The following ANAPC1 variants were observed in gnomAD, a reference collection of about 807,000 sequenced individuals.
The protein encoded by ANAPC1 is anaphase-promoting complex subunit 1.
Under a neutral mutation model 208.0 loss-of-function variants are expected in ANAPC1, and 36 were observed. That is an observed-to-expected ratio of 0.17 (90% CI 0.13 to 0.23). The LOEUF (loss-of-function observed/expected upper bound fraction) is 0.23. ANAPC1 is among the 10% of genes least tolerant of loss of function. The pLI, the probability that ANAPC1 is intolerant of heterozygous loss-of-function variation, is 1.00. For synonymous variants in ANAPC1, 378 were observed against 695.2 expected (o/e 0.54, Z 7.18); for missense variants, 942 against 2,011.6 (o/e 0.47, Z 10.17).
intron 17 of ANAPC1, among the ~76,000 whole-genome samples, chr2:111,840,447 A>G (rs1349085064): frequency 6.6e-6 from 1 of 152,176 alleles, no homozygotes; most frequent in Non-Finnish European, 1.5e-5. Context: ...TCCTTCCTTT[A>G]TAATTATCAT....
intron 24 of ANAPC1, among the ~76,000 whole-genome samples, chr2:111,822,991 CTTTT>C (rs1192670055): frequency 1.6e-5 from 2 of 124,830 alleles, no homozygotes; most frequent in African/African-American, 3.0e-5. Context: ...AATAATAATT[CTTTT>C]TATTCTTTTT....
chr2:111,808,230 T>C (rs1356559222), intron 29 of ANAPC1, among the ~76,000 whole-genome samples: 1 of 152,100 alleles, frequency 6.6e-6, no homozygotes, highest in Non-Finnish European at 1.5e-5. Context: ...GATACAATTA[T>C]ACTAAAGAAT....
rs1677771004 is a variant in ANAPC1 at position 111,789,716 on chromosome 2, T to C, written c.4713-1396A>G. On this transcript the variant is annotated intron_variant, in intron 38 of 47. Transcript: ENST00000341068. Reference sequence around the variant, plus strand: ...TAGAAACATAATGGTGTAGCTATGCTAAGTTTAAATGTTGTTACAGAGTAT... The same window carrying C: ...TAGAAACATAATGGTGTAGCTATGCCAAGTTTAAATGTTGTTACAGAGTAT... 3.9e-5 allele frequency among the ~76,000 whole-genome samples: 6 copies of C among 152,070 alleles called. No individual in the cohort carries two copies. In the South Asian group the frequency reaches 1.2e-3, roughly 32 times the overall value.
intron 46 of ANAPC1, among the ~76,000 whole-genome samples, chr2:111,774,421 G>A (rs1466644632): frequency 2.1e-5 from 1 of 48,678 alleles, no homozygotes; most frequent in East Asian, 5.3e-4. Context: ...AAACATTTAG[G>A]TTTGGGGGAG....
chr2:111,850,876 G>A lies in ANAPC1; in HGVS notation c.1550C>T (p.Pro517Leu). 1 of 1,605,994 alleles carries A rather than the reference G, an allele frequency of 6.2e-7. No homozygotes were observed. Among genetic ancestry groups the A allele is most frequent in the Non-Finnish European group, 8.5e-7 (1 of 1,178,470 alleles). The change falls in exon 14 of 48, where the codon CCC (proline) becomes CTC (leucine). Residue 517 changes from proline (P) to leucine (L), a missense_variant. Transcript: ENST00000341068. Reference sequence around the variant, plus strand: ...CATTGTGTTGGACATCGTCAGAGAGGGAGCTGGCAGTCCAGGAATAAAAAC... The same window carrying A: ...CATTGTGTTGGACATCGTCAGAGAGAGAGCTGGCAGTCCAGGAATAAAAAC... ...GKVFIPGLPA[P>L]SLTMSNTMPR...
In ANAPC1 at chr2:111,855,962, G is replaced by A. The variant is rs955997472; in HGVS notation, c.1515+652C>T. On this transcript the variant is annotated intron_variant, in intron 13 of 47. Transcript: ENST00000341068. ...TAAAAAATACAGCTAGCGGCTGGGC[G>A]CGGTGGCTCACGCCTGTAATCCCAG... 5.3e-5 allele frequency among the ~76,000 whole-genome samples: 8 copies of A among 152,278 alleles called. No homozygotes were observed. In the Middle Eastern group the frequency reaches 0.014, roughly 261 times the overall value.
Position 111,843,614 on chromosome 2 carries a change from G to T in ANAPC1, c.1853-15C>A, listed in dbSNP as rs763956924. The stretch of plus-strand genomic sequence containing the variant: ...ACACGTTTGTACTATTAAAAGCAAA[G>T]ATTAATTTTAGTATTCTTACTCTGC... On this transcript the variant is annotated splice_polypyrimidine_tract_variant and intron_variant, in intron 16 of 47. Transcript: ENST00000341068. 1 of 1,593,520 alleles carries T rather than the reference G, an allele frequency of 6.3e-7. No homozygotes were observed. The highest frequency in any genetic ancestry group is 8.6e-7 in the Non-Finnish European group (1 of 1,169,016).
At chr2:111,838,122 A>G (rs115466941) in intron 18 of ANAPC1, among the ~76,000 whole-genome samples, 8,059 of 150,176 alleles carry the variant, frequency 0.054, 684 homozygotes, top group African/African-American at 0.18. Context: ...ACCTGATACA[A>G]TTGAGAACCT....
At chr2:111,882,312 T>C (rs1683345047) in intron 1 of ANAPC1, among the ~76,000 whole-genome samples, 1 of 152,304 alleles carries the variant, frequency 6.6e-6, no homozygotes, top group South Asian at 2.1e-4. Flanking sequence ...GCAATCCCCG[T>C]TGTTTCCGTG....
intron 14 of ANAPC1, among the ~76,000 whole-genome samples, chr2:111,849,517 A>C (rs1479998682): frequency 1.3e-5 from 2 of 152,172 alleles, no homozygotes; most frequent in African/African-American, 2.4e-5. Flanking sequence ...AACCGTCCCT[A>C]AACATCCACA....
At position 111,788,312 on chromosome 2, in the gene ANAPC1, A is replaced by G. The variant is rs751901403; in HGVS notation, c.4721T>C (p.Leu1574Ser). 1.9e-6 allele frequency: 3 copies of G among 1,613,816 alleles called. No individual in the cohort carries two copies. The highest frequency in any genetic ancestry group is 2.5e-6 in the Non-Finnish European group (3 of 1,179,718). ...GGCAATGGAAGAATTTGATGTGCTCAAAGAGTACCTGCAAAGTAAGTTCGG... is the reference window on the plus strand; with the variant it reads ...GGCAATGGAAGAATTTGATGTGCTCGAAGAGTACCTGCAAAGTAAGTTCGG... ...LLFLGGGRYS[L>S]STSNSSIAAL... Residue 1574 changes from leucine (L) to serine (S), a missense_variant, in exon 39 of 48, where the codon TTG becomes TCG. Coordinates refer to ENST00000341068, the MANE Select transcript of ANAPC1 (RefSeq NM_022662.4).
rs1310833985 is a variant in ANAPC1 at position 111,863,749 on chromosome 2, G to A, written c.978C>T (p.His326=). The A allele has an allele frequency of 2.5e-6, 4 of 1,613,984 alleles. No individual in the cohort carries two copies. Among genetic ancestry groups the A allele is most frequent in the Non-Finnish European group, 3.4e-6 (4 of 1,179,858 alleles). Residue 326 remains histidine, a synonymous_variant, in exon 9 of 48, where the codon CAC becomes CAT. Transcript: ENST00000341068. ...TSPFQNYSSI[H]SQSRSTSSPS... Reference sequence around the variant, plus strand: ...GTGATGAGGTTGAGCGACTCTGGCTGTGAATGGAGGAGTAATTCTGGAAAG... The same window carrying A: ...GTGATGAGGTTGAGCGACTCTGGCTATGAATGGAGGAGTAATTCTGGAAAG...
At chr2:111,868,708 T>C (rs187307479) in intron 6 of ANAPC1, among the ~76,000 whole-genome samples, 13 of 152,284 alleles carry the variant, frequency 8.5e-5, no homozygotes, top group African/African-American at 2.9e-4. Context: ...TTTTTTTGTA[T>C]TTTTAGTAGA....
chr2:111,817,751 T>G (rs1679314898), intron 27 of ANAPC1, among the ~76,000 whole-genome samples: 1 of 123,712 alleles, frequency 8.1e-6, no homozygotes, highest in Non-Finnish European at 1.8e-5. Flanking sequence ...AATTATACAT[T>G]ATATGCTACC....
At chr2:111,826,013 A>T (rs975265592) in intron 21 of ANAPC1, among the ~76,000 whole-genome samples, 158 bp from the exon 22 acceptor site, 5 of 152,150 alleles carry the variant, frequency 3.3e-5, no homozygotes, top group Admixed American at 6.5e-5. Flanking sequence ...AGTAGCTAGG[A>T]CTATAGGCAC....
In ANAPC1 at chr2:111,789,211, G is replaced by T. The variant is rs529038915; in HGVS notation, c.4713-891C>A. 4.6e-5 allele frequency among the ~76,000 whole-genome samples: 7 copies of T among 151,416 alleles called. No individual in the cohort carries two copies. In the South Asian group the frequency reaches 1.5e-3, roughly 31 times the overall value. On this transcript the variant is annotated intron_variant, in intron 38 of 47. Coordinates refer to ENST00000341068, the MANE Select transcript of ANAPC1 (RefSeq NM_022662.4). ...ATATAAATTCTTTCCTCACCAATAT[G>T]ATACACTTTTAAGATAAAGTTTCAT...
In ANAPC1 at chr2:111,790,969, T is replaced by C. The variant is rs569062064; in HGVS notation, c.4712+1393A>G. Among the ~76,000 whole-genome samples the C allele has an allele frequency of 3.1e-3, 474 of 152,352 alleles. 2 individuals carry two copies. Among genetic ancestry groups the C allele is most frequent in the Non-Finnish European group, 5.6e-3 (383 of 68,018 alleles). The stretch of plus-strand genomic sequence containing the variant: ...GCTATAGAATGTCAGTTTTGCAAGA[T>C]GAAAAATTTCTGGAGATTGGTTGCA... On this transcript the variant is annotated intron_variant, in intron 38 of 47. Coordinates refer to ENST00000341068, the MANE Select transcript of ANAPC1 (RefSeq NM_022662.4).
intron 39 of ANAPC1, among the ~76,000 whole-genome samples, chr2:111,787,473 G>C (rs1029223254): frequency 4.0e-5 from 6 of 151,864 alleles, no homozygotes; most frequent in African/African-American, 1.5e-4. Context: ...TTAGGTTACT[G>C]TGATAAGTGC....
downstream of ANAPC1, among the ~76,000 whole-genome samples, chr2:111,767,364 G>T (rs1401440436): frequency 6.6e-6 from 1 of 150,816 alleles, no homozygotes; most frequent in African/African-American, 2.5e-5. Context: ...GAGGCTGCAG[G>T]TTCTGGATGG....
Sources: allele counts gnomAD v4.1 joint callset (sites outside exome capture counted in the v4.1 genomes callset), GRCh38; gene constraint gnomAD v4.1.1; transcripts MANE v1.5; gene names NCBI Gene and HGNC (gene_info 2026-07-23, HGNC 2026-07-21).